FAM13B: variants seen among roughly 807,000 people sequenced by gnomAD.
FAM13B encodes protein FAM13B.
Under a neutral mutation model 117.3 loss-of-function variants are expected in FAM13B, and 60 were observed. That is an observed-to-expected ratio of 0.51 (90% CI 0.42 to 0.63). FAM13B has a LOEUF of 0.63. Among genes scored for constraint, FAM13B ranks in the 30% least tolerant of loss-of-function variants. The probability of loss-of-function intolerance (pLI) is 0.00; values close to 1 mark genes in which losing one functional copy is unlikely to be tolerated. For missense variants in FAM13B, 972 were observed against 1,091.9 expected (o/e 0.89, Z 1.55); for synonymous variants, 332 against 356.1 (o/e 0.93, Z 0.76).
intron 4 of FAM13B, among the ~76,000 whole-genome samples, chr5:138,017,564 T>G (rs1265938117): frequency 1.3e-5 from 2 of 152,188 alleles, no homozygotes; most frequent in Non-Finnish European, 2.9e-5. Context: ...ATGCCAACTT[T>G]ACACATTTTC....
At position 137,945,885 on chromosome 5, in the gene FAM13B, T is replaced by G; in HGVS notation, c.2340+17A>C. On this transcript the variant is annotated intron_variant, in intron 20 of 23. Transcript: ENST00000689681. Reference sequence around the variant, plus strand: ...CTTGATAAAATGAACCAGAGAATTATTGCTTATTTTACTTACAAGGACAGG... The same window carrying G: ...CTTGATAAAATGAACCAGAGAATTAGTGCTTATTTTACTTACAAGGACAGG... 1 of 1,573,490 alleles carries G rather than the reference T, an allele frequency of 6.4e-7. No individual in the cohort carries two copies. The highest frequency in any genetic ancestry group is 8.7e-7 in the Non-Finnish European group (1 of 1,148,990).
At chr5:137,971,025 C>A (rs556120385) in intron 10 of FAM13B, among the ~76,000 whole-genome samples, 2 of 151,756 alleles carry the variant, frequency 1.3e-5, no homozygotes, top group Non-Finnish European at 2.9e-5. Context: ...GACTTTAACA[C>A]CCCACTGTCA....
rs534360381 is a variant in FAM13B at position 137,970,806 on chromosome 5, C to A, written c.1180-8337G>T. Among the ~76,000 whole-genome samples the A allele has an allele frequency of 5.3e-3, 804 of 152,086 alleles. 10 individuals are homozygous for A. The highest frequency in any genetic ancestry group is 0.019 in the African/African-American group (774 of 41,498). The stretch of plus-strand genomic sequence containing the variant: ...GGAAAACAAAAAAAGGCAGGGGTTG[C>A]AATCCTAGTCTCTGATAAAACAGAC... On this transcript the variant is annotated intron_variant, in intron 10 of 23. Coordinates refer to ENST00000689681, the MANE Select transcript of FAM13B (RefSeq NM_001385994.1).
intron 10 of FAM13B, among the ~76,000 whole-genome samples, chr5:137,965,618 T>G (rs1270926739): frequency 6.6e-6 from 1 of 152,228 alleles, no homozygotes; most frequent in African/African-American, 2.4e-5. Context: ...TTGCATTTGC[T>G]GAACAAACAC....
intron 1 of FAM13B, among the ~76,000 whole-genome samples, chr5:138,042,707 C>T (rs1322995048): frequency 6.7e-6 from 1 of 150,308 alleles, no homozygotes. Context: ...CTTCTGGGAA[C>T]GAGGGGCAAG....
At chr5:137,997,423 C>T (rs1356127266) in intron 7 of FAM13B, among the ~76,000 whole-genome samples, 2 of 151,756 alleles carry the variant, frequency 1.3e-5, no homozygotes, top group Non-Finnish European at 1.5e-5. Context: ...GAGCTGAGAT[C>T]GTGCCATTGC....
intron 6 of FAM13B, among the ~76,000 whole-genome samples, chr5:138,008,871 G>GCCTTTA (rs1305797836): frequency 1.3e-5 from 2 of 152,216 alleles, no homozygotes; most frequent in Non-Finnish European, 2.9e-5. Flanking sequence ...GGCCAGGCGC[G>GCCTTTA]GTGGCCCATG....
Position 137,963,595 on chromosome 5 carries a change from G to A in FAM13B, c.1180-1126C>T, listed in dbSNP as rs573030795. On this transcript the variant is annotated intron_variant, in intron 10 of 23. Transcript: ENST00000689681. ...TGAGACCCAAAGTGTGAGAACCACTGATACAGAAATCAGACTTCGGTAACT... is the reference window on the plus strand; with the variant it reads ...TGAGACCCAAAGTGTGAGAACCACTAATACAGAAATCAGACTTCGGTAACT... 2.6e-5 allele frequency among the ~76,000 whole-genome samples: 4 copies of A among 152,264 alleles called. No individual in the cohort carries two copies. In the East Asian group the frequency reaches 7.7e-4, roughly 29 times the overall value.
At chr5:137,977,919 T>G (rs1246507054) in intron 10 of FAM13B, among the ~76,000 whole-genome samples, 2 of 152,216 alleles carry the variant, frequency 1.3e-5, no homozygotes, top group Non-Finnish European at 2.9e-5. Flanking sequence ...AGTAAAATCA[T>G]CCACAATCTA....
Position 138,021,211 on chromosome 5 carries a change from A to G in FAM13B, c.-202-14T>C. On this transcript the variant is annotated splice_polypyrimidine_tract_variant and intron_variant, in intron 1 of 23. Transcript: ENST00000689681. ...TCAGCAGTTAATCTACAAGACAAAA[A>G]CAATTATTTCAATTTCCCACATCTT... is the stretch of plus-strand genomic sequence containing the variant. 8.1e-7 allele frequency: 1 copy of G among 1,231,300 alleles called. No individual in the cohort carries two copies. Among genetic ancestry groups the G allele is most frequent in the Non-Finnish European group, 1.0e-6 (1 of 987,588 alleles). 76.3% of individuals were successfully genotyped at this position (1,231,300 alleles called of 1,614,324 possible). A position where few individuals can be genotyped will look rare whatever the true frequency, so the allele number is the denominator to read the frequency against.
chr5:137,960,304 C>T, intron 11 of FAM13B, 90 bp from the exon 12 acceptor site: 2 of 687,930 alleles, frequency 2.9e-6, no homozygotes, highest in South Asian at 2.1e-5. Flanking sequence ...TACTCCATAA[C>T]ACAGTTAGCA....
chr5:138,015,445 G>A (rs1785020726), intron 4 of FAM13B, among the ~76,000 whole-genome samples: 1 of 152,260 alleles, frequency 6.6e-6, no homozygotes, highest in Non-Finnish European at 1.5e-5. Context: ...GCTCATGCCT[G>A]TAATTCCAGC....
chr5:137,941,171 G>A (rs1321965430), intron 23 of FAM13B, among the ~76,000 whole-genome samples: 1 of 152,082 alleles, frequency 6.6e-6, no homozygotes, highest in Non-Finnish European at 1.5e-5. Context: ...GCCTCCCAAA[G>A]TGCTGGTATT....
chr5:138,028,509 G>T (rs1393697932), intron 1 of FAM13B, among the ~76,000 whole-genome samples: 5 of 152,068 alleles, frequency 3.3e-5, no homozygotes, highest in Admixed American at 2.0e-4. Context: ...AAAAAGGGAA[G>T]CTGGTACATG....
chr5:137,980,359 T>C (rs762578034), intron 10 of FAM13B, among the ~76,000 whole-genome samples: 2 of 151,632 alleles, frequency 1.3e-5, no homozygotes, highest in African/African-American at 2.4e-5. Flanking sequence ...CAAGAACCCA[T>C]CATTCATAAA....
At chr5:137,960,454 C>T (rs1030974714) in intron 11 of FAM13B, among the ~76,000 whole-genome samples, 3 of 151,958 alleles carry the variant, frequency 2.0e-5, no homozygotes, top group Non-Finnish European at 4.4e-5. Context: ...CCCTACTCCA[C>T]CCCACAAACC....
At chr5:137,951,236 A>AAG (rs1764931258) in intron 17 of FAM13B, among the ~76,000 whole-genome samples, 260 of 133,266 alleles carry the variant, frequency 2.0e-3, no homozygotes, top group African/African-American at 4.8e-3. Context: ...AAAAAAAAGG[A>AAG]GAGAGAGAGA....
chr5:137,953,136 CGGTGCAAATGGCAA>C (rs1765501547), intron 16 of FAM13B, among the ~76,000 whole-genome samples, 186 bp downstream of exon 16: 1 of 152,146 alleles, frequency 6.6e-6, no homozygotes. Flanking sequence ...AAAGATGCCA[CGGTGCAAATGGCAA>C]GAATACTGGC....
chr5:137,951,685 T>A (rs953015561), intron 17 of FAM13B, among the ~76,000 whole-genome samples: 1 of 151,996 alleles, frequency 6.6e-6, no homozygotes, highest in African/African-American at 2.4e-5. Context: ...TATATTTTTT[T>A]ATTTTTATAG....
Sources: gnomAD v4.1 joint callset for allele counts (sites outside exome capture counted in the v4.1 genomes callset) on GRCh38, gnomAD v4.1.1 for gene constraint, MANE v1.5 for transcripts, NCBI Gene and HGNC (gene_info 2026-07-23, HGNC 2026-07-21) for gene names.